CHLSN: variants seen among roughly 807,000 people sequenced by gnomAD.
The protein encoded by CHLSN is cholesin, also known as protein cholesin.
chr7:1,031,997 C>T, the CHLSN span, among the ~76,000 whole-genome samples: 8 of 152,252 alleles, frequency 5.3e-5, no homozygotes, highest in South Asian at 2.1e-4. Flanking sequence ...AATGAGAATT[C>T]GCCTTCGAAA....
chr7:1,080,045 C>G, the CHLSN span, among the ~76,000 whole-genome samples: 1 of 152,228 alleles, frequency 6.6e-6, no homozygotes, highest in Non-Finnish European at 1.5e-5. Context: ...GAAGGGCCAA[C>G]CCCTCCTCCC....
At chr7:1,094,227 C>T in the CHLSN span, among the ~76,000 whole-genome samples, 10 of 152,184 alleles carry the variant, frequency 6.6e-5, no homozygotes, top group Admixed American at 4.6e-4. Context: ...TGGATCCTGG[C>T]GCTGCTCCCC....
the CHLSN span, among the ~76,000 whole-genome samples, chr7:983,621 G>A: frequency 2.6e-5 from 4 of 152,228 alleles, no homozygotes; most frequent in East Asian, 1.9e-4. Context: ...CCCAGGGCCC[G>A]GCGCGGGAGC....
chr7:1,110,478 C>A, the CHLSN span, among the ~76,000 whole-genome samples: 1 of 152,222 alleles, frequency 6.6e-6, no homozygotes, highest in African/African-American at 2.4e-5. Context: ...TGCGAAGGCA[C>A]GGCCGCCTGG....
the CHLSN span, among the ~76,000 whole-genome samples, chr7:1,135,969 G>GTATATATAAA: frequency 1.3e-4 from 12 of 91,588 alleles, no homozygotes; most frequent in African/African-American, 4.1e-4. Context: ...ATATATATAA[G>GTATATATAAA]TATATATAAA....
At chr7:1,048,470 C>G in the CHLSN span, among the ~76,000 whole-genome samples, 2 of 151,952 alleles carry the variant, frequency 1.3e-5, no homozygotes, top group African/African-American at 4.8e-5. Flanking sequence ...GGGTGCCTCT[C>G]AGGTTGAGAG....
At chr7:1,137,096 G>T in the CHLSN span, among the ~76,000 whole-genome samples, 1 of 152,066 alleles carries the variant, frequency 6.6e-6, no homozygotes, top group Non-Finnish European at 1.5e-5. Context: ...TTGCCACTTG[G>T]TAAGGTCCAC....
At chr7:1,032,774 G>A in the CHLSN span, among the ~76,000 whole-genome samples, 5 of 152,344 alleles carry the variant, frequency 3.3e-5, no homozygotes, top group Non-Finnish European at 7.3e-5. Context: ...CCAATCAGCA[G>A]GTCCCCAAGA....
At chr7:1,052,724 G>A in the CHLSN span, among the ~76,000 whole-genome samples, 3 of 152,004 alleles carry the variant, frequency 2.0e-5, no homozygotes, top group South Asian at 2.1e-4. The surrounding 1 kb of genome is among the most constrained non-coding windows in gnomAD (Gnocchi z 4.2). Context: ...TATCACCCCC[G>A]CCACCGGGCA....
At chr7:1,059,417 G>A in the CHLSN span, among the ~76,000 whole-genome samples, 3 of 152,176 alleles carry the variant, frequency 2.0e-5, no homozygotes, top group Non-Finnish European at 4.4e-5. Flanking sequence ...CGCGGCCCTC[G>A]CAGCCTCAGA....
At chr7:1,118,799 C>CAAAAAAAAA in the CHLSN span, among the ~76,000 whole-genome samples, 1 of 76,250 alleles carries the variant, frequency 1.3e-5, no homozygotes, top group Non-Finnish European at 2.4e-5. Flanking sequence ...CCATCTCTAC[C>CAAAAAAAAA]AAAAAAAAAA....
chr7:983,785 C>T, the CHLSN span, among the ~76,000 whole-genome samples: 1 of 152,240 alleles, frequency 6.6e-6, no homozygotes, highest in Non-Finnish European at 1.5e-5. Flanking sequence ...ACACTTCCCA[C>T]TTTTGAGCCT....
the CHLSN span, among the ~76,000 whole-genome samples, chr7:1,053,580 C>A: frequency 6.6e-6 from 1 of 152,236 alleles, no homozygotes; most frequent in African/African-American, 2.4e-5. Context: ...GTAATCCCAG[C>A]ACTTTGGGAG....
At chr7:1,058,566 TTA>T in the CHLSN span, 1 of 728,758 alleles carries the variant, frequency 1.4e-6, no homozygotes, top group East Asian at 2.5e-5. Context: ...CGCAGAGCAC[TTA>T]GTTACCCTGG....
chr7:985,413 C>T, the CHLSN span: 3 of 1,386,790 alleles, frequency 2.2e-6, no homozygotes, highest in East Asian at 7.5e-5. Flanking sequence ...GCTGTCCCCT[C>T]TCAGCTTCTC....
chr7:1,007,223 C>T, the CHLSN span, among the ~76,000 whole-genome samples: 20 of 152,350 alleles, frequency 1.3e-4, no homozygotes, highest in Admixed American at 7.2e-4. Flanking sequence ...CTGCAGATGG[C>T]TTTGCCTCCA....
the CHLSN span, chr7:1,045,354 G>A: frequency 6.6e-6 from 1 of 152,228 alleles, no homozygotes; most frequent in Non-Finnish European, 1.5e-5. Context: ...TCTCTTCCCT[G>A]CCCATGAAGA....
the CHLSN span, among the ~76,000 whole-genome samples, chr7:1,017,987 C>G: frequency 0.029 from 4,461 of 152,320 alleles, 213 homozygotes; most frequent in Admixed American, 0.079. Context: ...TGACAGAAGA[C>G]CTAGTAGAAC....
At chr7:1,082,005 C>A in the CHLSN span, 1 of 152,378 alleles carries the variant, frequency 6.6e-6, no homozygotes, top group East Asian at 1.9e-4. Context: ...CAGCACCTGA[C>A]GGCGACATCC....
Sources: gnomAD v4.1 joint callset for allele counts (sites outside exome capture counted in the v4.1 genomes callset) on GRCh38, gnomAD v4.1.1 for gene constraint, Gnocchi (gnomAD v3.1) non-coding constraint, MANE v1.5 for transcripts, NCBI Gene and HGNC (gene_info 2026-07-23, HGNC 2026-07-21) for gene names.